SGMS1: variants seen among roughly 807,000 people sequenced by gnomAD.
SGMS1 encodes the protein phosphatidylcholine:ceramide cholinephosphotransferase 1.
SGMS1 carries 13 observed loss-of-function variants against 46.2 expected under a neutral mutation model. The ratio of observed to expected loss-of-function variants is 0.28; its 90% CI spans 0.18 to 0.45. The LOEUF is 0.45. Ranked by LOEUF, SGMS1 falls within the 20% of genes least tolerant of loss-of-function variation. The pLI, the probability that SGMS1 is intolerant of heterozygous loss-of-function variation, is 1.00. For synonymous variants in SGMS1, 203 were observed against 187.8 expected, an observed-to-expected ratio of 1.08 and a Z score of -0.66; for missense variants, 324 against 519.9, an observed-to-expected ratio of 0.62 and a Z score of 3.66.
intron 2 of SGMS1, among the ~76,000 whole-genome samples, chr10:50,536,205 C>T (rs565577561): frequency 1.9e-4 from 29 of 151,884 alleles, no homozygotes; most frequent in Non-Finnish European, 4.0e-4. Context: ...TGGTGGTGCA[C>T]GCGTATAGTC....
At chr10:50,585,505 G>A (rs887837050) in intron 2 of SGMS1, among the ~76,000 whole-genome samples, 8 of 152,210 alleles carry the variant, frequency 5.3e-5, no homozygotes, top group Admixed American at 5.2e-4. Flanking sequence ...TTAAATTGAG[G>A]ATTTTTAGTT....
intron 2 of SGMS1, among the ~76,000 whole-genome samples, chr10:50,586,239 A>G (rs1172615911): frequency 6.6e-6 from 1 of 152,206 alleles, no homozygotes; most frequent in Non-Finnish European, 1.5e-5. Context: ...TGCTAAATTG[A>G]GCTGGACAGA....
rs4540795 is a variant in SGMS1 at position 50,344,596 on chromosome 10, G to A, written c.-231-251C>T. ...TAGAATTTCCAACGGTCAGCCGGGC[G>A]TGGTGGCTCACGCCTGTAATCCCAG... On this transcript the variant is annotated intron_variant, in intron 6 of 10. Coordinates refer to ENST00000361781, the MANE Select transcript of SGMS1 (RefSeq NM_147156.4). Among the ~76,000 whole-genome samples the A allele has an allele frequency of 0.028, 4,257 of 152,314 alleles. 532 individuals carry two copies. In the East Asian group the frequency reaches 0.36, roughly 13 times the overall value.
At chr10:50,323,094 A>C (rs1463110875) in intron 8 of SGMS1, among the ~76,000 whole-genome samples, 1 of 152,200 alleles carries the variant, frequency 6.6e-6, no homozygotes, top group Non-Finnish European at 1.5e-5. Context: ...ATTTATGGGA[A>C]GCCTACTTTT....
intron 8 of SGMS1, among the ~76,000 whole-genome samples, chr10:50,317,327 T>C (rs1298363701): frequency 6.6e-6 from 1 of 152,210 alleles, no homozygotes; most frequent in Non-Finnish European, 1.5e-5. Context: ...TAAAACAATA[T>C]CTTTTGTTTG....
chr10:50,541,916 C>T lies in SGMS1; in HGVS notation c.-588-21995G>A, dbSNP rs545960083. 2.6e-5 allele frequency among the ~76,000 whole-genome samples: 4 copies of T among 152,272 alleles called. No individual in the cohort carries two copies. The South Asian group carries it at 8.3e-4, about 32-fold the overall frequency. On this transcript the variant is annotated intron_variant, in intron 2 of 10. Transcript: ENST00000361781. Reference sequence around the variant, plus strand: ...AAACCTCTGCCAGTTACTTCCACTTCGAGGAGCATGTTTGATTTTTTTCCT... The same window carrying T: ...AAACCTCTGCCAGTTACTTCCACTTTGAGGAGCATGTTTGATTTTTTTCCT...
intron 6 of SGMS1, among the ~76,000 whole-genome samples, chr10:50,408,166 G>C (rs558053740): frequency 7.9e-5 from 12 of 152,128 alleles, no homozygotes; most frequent in Non-Finnish European, 1.8e-4. Flanking sequence ...GGACATCAAA[G>C]GTCTGGCATA....
At chr10:50,432,555 A>T (rs1352141279) in intron 6 of SGMS1, among the ~76,000 whole-genome samples, 1 of 152,196 alleles carries the variant, frequency 6.6e-6, no homozygotes, top group Non-Finnish European at 1.5e-5. Flanking sequence ...CTACCTGCAG[A>T]TACTACCTAT....
At chr10:50,613,569 C>T (rs952766375) in intron 1 of SGMS1, among the ~76,000 whole-genome samples, 3 of 152,194 alleles carry the variant, frequency 2.0e-5, no homozygotes, top group African/African-American at 7.2e-5. Flanking sequence ...ATCCTCTCTG[C>T]CCTGCCACAT....
chr10:50,387,048 A>T (rs1177206972), intron 6 of SGMS1, among the ~76,000 whole-genome samples: 1 of 152,186 alleles, frequency 6.6e-6, no homozygotes, highest in African/African-American at 2.4e-5. Context: ...TCACATGTTG[A>T]GCGGAGGAGT....
intron 3 of SGMS1, among the ~76,000 whole-genome samples, chr10:50,512,137 T>C (rs1043987793): frequency 6.6e-6 from 1 of 152,012 alleles, no homozygotes; most frequent in Non-Finnish European, 1.5e-5. Context: ...GGGAAGGCTA[T>C]CCGGTTCAAG....
chr10:50,622,112 T>C (rs1036668365), intron 1 of SGMS1, among the ~76,000 whole-genome samples: 6 of 152,130 alleles, frequency 3.9e-5, no homozygotes, highest in African/African-American at 7.2e-5. Context: ...GCTTGCTTCT[T>C]TGCTTGGCCA....
At chr10:50,384,362 T>C (rs1421165840) in intron 6 of SGMS1, among the ~76,000 whole-genome samples, 1 of 151,586 alleles carries the variant, frequency 6.6e-6, no homozygotes, top group Non-Finnish European at 1.5e-5. Flanking sequence ...TTTTTCTAAC[T>C]TACTTTCTTT....
At chr10:50,405,353 A>C (rs1001983574) in intron 6 of SGMS1, among the ~76,000 whole-genome samples, 2 of 152,230 alleles carry the variant, frequency 1.3e-5, no homozygotes, top group Non-Finnish European at 2.9e-5. Flanking sequence ...ATACAGCAAA[A>C]TAAGAGACAA....
At chr10:50,525,935 A>C (rs184787362) in intron 2 of SGMS1, among the ~76,000 whole-genome samples, 1 of 152,224 alleles carries the variant, frequency 6.6e-6, no homozygotes, top group African/African-American at 2.4e-5. Flanking sequence ...AGAACTCTCA[A>C]ATTGGTATTC....
At chr10:50,501,528 T>C (rs1466703599) in intron 3 of SGMS1, among the ~76,000 whole-genome samples, 1 of 152,248 alleles carries the variant, frequency 6.6e-6, no homozygotes, top group Non-Finnish European at 1.5e-5. Flanking sequence ...GATAATTCTA[T>C]ATGATTCACA....
chr10:50,354,046 C>T (rs1290808652), intron 6 of SGMS1, among the ~76,000 whole-genome samples: 1 of 151,740 alleles, frequency 6.6e-6, no homozygotes, highest in Non-Finnish European at 1.5e-5. Context: ...ATGCCATCCC[C>T]ATCAAGCTAC....
chr10:50,356,060 T>G (rs2133397824), intron 6 of SGMS1, among the ~76,000 whole-genome samples: 1 of 152,292 alleles, frequency 6.6e-6, no homozygotes, highest in Non-Finnish European at 1.5e-5. Context: ...CTGGGAGGTG[T>G]ACCCAACAGC....
At position 50,380,378 on chromosome 10, in the gene SGMS1, C is replaced by CAAAAA. The variant is rs10646459; in HGVS notation, c.-231-36038_-231-36034dup. Among the ~76,000 whole-genome samples the CAAAAA allele has an allele frequency of 1.4e-3, 166 of 121,500 alleles. 2 individuals are homozygous for CAAAAA. Among genetic ancestry groups the CAAAAA allele is most frequent in the Middle Eastern group, 4.5e-3 (1 of 220 alleles). The allele number at this position is 121,500 out of a possible 152,430, so 79.7% of individuals were successfully genotyped here. ...TGGGCAACACAGTAAGACTCTGTAT[C>CAAAAA]AAAAAAAAAAAAAAAAATTCCTCTC... is the stretch of plus-strand genomic sequence containing the variant. On this transcript the variant is annotated intron_variant, in intron 6 of 10. Transcript: ENST00000361781.
Sources: gnomAD v4.1 joint callset for allele counts (sites outside exome capture counted in the v4.1 genomes callset) on GRCh38, gnomAD v4.1.1 for gene constraint, MANE v1.5 for transcripts, NCBI Gene and HGNC (gene_info 2026-07-23, HGNC 2026-07-21) for gene names.